CADPS2: variants seen among roughly 807,000 people sequenced by gnomAD.
The protein encoded by CADPS2 is calcium dependent secretion activator 2.
CADPS2 carries 93 observed loss-of-function variants against 172.5 expected under a neutral mutation model. That is an observed-to-expected ratio of 0.54 (90% CI 0.46 to 0.64). CADPS2 has a LOEUF of 0.64. Among genes scored for constraint, CADPS2 ranks in the 30% least tolerant of loss-of-function variants. CADPS2 has a pLI of 0.00. For missense variants in CADPS2, 1,420 were observed against 1,565.9 expected, an observed-to-expected ratio of 0.91 and a Z score of 1.57; for synonymous variants, 546 against 555.2, an observed-to-expected ratio of 0.98 and a Z score of 0.23.
intron 9 of CADPS2, among the ~76,000 whole-genome samples, chr7:122,501,285 T>C (rs1434501941): frequency 6.6e-6 from 1 of 151,992 alleles, no homozygotes; most frequent in Non-Finnish European, 1.5e-5. Flanking sequence ...TTATTACATA[T>C]GATAGAATTA....
chr7:122,397,831 G>C (rs988379096), intron 20 of CADPS2, among the ~76,000 whole-genome samples: 6 of 152,130 alleles, frequency 3.9e-5, no homozygotes, highest in Non-Finnish European at 5.9e-5. Context: ...CCACATCCAA[G>C]AACACTTCTG....
intron 17 of CADPS2, chr7:122,427,458 TG>T (rs909404183): frequency 4.6e-5 from 7 of 152,194 alleles, no homozygotes; most frequent in African/African-American, 1.7e-4. Flanking sequence ...AAATTTATAG[TG>T]GTATTTTCTT....
At chr7:122,443,969 G>A (rs937319355) in intron 15 of CADPS2, among the ~76,000 whole-genome samples, 1 of 151,994 alleles carries the variant, frequency 6.6e-6, no homozygotes, top group Non-Finnish European at 1.5e-5. Flanking sequence ...GTTAACTCAT[G>A]GCCTGCAAGT....
At chr7:122,354,795 T>C (rs1265382746) in intron 27 of CADPS2, among the ~76,000 whole-genome samples, 1 of 152,196 alleles carries the variant, frequency 6.6e-6, no homozygotes, top group African/African-American at 2.4e-5. Flanking sequence ...CTGTTGTCTT[T>C]GCCACCATGA....
chr7:122,354,044 G>A (rs977022097), intron 27 of CADPS2, among the ~76,000 whole-genome samples: 1 of 151,276 alleles, frequency 6.6e-6, no homozygotes, highest in East Asian at 1.9e-4. Context: ...CCATTAACTA[G>A]CCTGGCTGCT....
intron 1 of CADPS2, among the ~76,000 whole-genome samples, chr7:122,815,244 A>C (rs1158291150): frequency 6.6e-6 from 1 of 152,208 alleles, no homozygotes; most frequent in African/African-American, 2.4e-5. Context: ...CTGTTAAGTC[A>C]GTCTGCAAAG....
intron 9 of CADPS2, among the ~76,000 whole-genome samples, chr7:122,503,300 C>T (rs940797849): frequency 6.6e-6 from 1 of 152,124 alleles, no homozygotes; most frequent in African/African-American, 2.4e-5. Context: ...TCCCAAAATG[C>T]TGGGATTACA....
chr7:122,393,706 A>G, intron 20 of CADPS2, 124 bp from the exon 21 acceptor site: 1 of 926,372 alleles, frequency 1.1e-6, no homozygotes, highest in Non-Finnish European at 1.7e-6. Flanking sequence ...AATGCAGATG[A>G]GAGTAGATCA....
At chr7:122,450,693 G>C (rs1018033433) in intron 15 of CADPS2, among the ~76,000 whole-genome samples, 1 of 151,706 alleles carries the variant, frequency 6.6e-6, no homozygotes, top group Non-Finnish European at 1.5e-5. Flanking sequence ...ACCATGTCTG[G>C]CTGGTTAAGT....
chr7:122,358,112 T>C (rs925864870), intron 27 of CADPS2, among the ~76,000 whole-genome samples: 1 of 152,318 alleles, frequency 6.6e-6, no homozygotes, highest in Middle Eastern at 3.4e-3. Flanking sequence ...TTCCTGTTGC[T>C]CTCTTATCCT....
intron 2 of CADPS2, chr7:122,702,883 G>T (rs1421193943): frequency 1.6e-6 from 1 of 639,090 alleles, no homozygotes; most frequent in Non-Finnish European, 2.7e-6. Context: ...CTGGATCAAA[G>T]CTATCTTGCT....
At chr7:122,775,159 G>A (rs1235184320) in intron 1 of CADPS2, among the ~76,000 whole-genome samples, 3 of 152,058 alleles carry the variant, frequency 2.0e-5, no homozygotes, top group South Asian at 2.1e-4. Context: ...ATCCAATGGC[G>A]ATATTAAAAA....
intron 1 of CADPS2, among the ~76,000 whole-genome samples, chr7:122,765,329 T>C (rs1047259934): frequency 2.0e-5 from 3 of 152,186 alleles, no homozygotes; most frequent in South Asian, 2.1e-4. Context: ...TGCTGACCTG[T>C]ATTTTTAAAA....
At position 122,432,551 on chromosome 7, in the gene CADPS2, G is replaced by C. The variant is rs138019603; in HGVS notation, c.2476+5790C>G. On this transcript the variant is annotated intron_variant, in intron 17 of 29. Coordinates refer to ENST00000449022, the MANE Select transcript of CADPS2 (RefSeq NM_017954.11). ...AGCTACTTGTAAAGCTGAGGCAGGA[G>C]AACCACTTGAACTCGGGAGGCGGAG... Among the ~76,000 whole-genome samples, 1,184 of 149,800 alleles carry C rather than the reference G, an allele frequency of 7.9e-3. 13 individuals are homozygous for C. The highest frequency in any genetic ancestry group is 0.028 in the African/African-American group (1,133 of 40,690).
intron 1 of CADPS2, among the ~76,000 whole-genome samples, chr7:122,758,344 T>G (rs1190208266): frequency 3.3e-5 from 5 of 152,132 alleles, no homozygotes; most frequent in Admixed American, 2.0e-4. Context: ...CTTTTAGAAG[T>G]TGAAGTAGAA....
intron 19 of CADPS2, among the ~76,000 whole-genome samples, chr7:122,408,408 T>G (rs2151673945): frequency 6.6e-6 from 1 of 152,232 alleles, no homozygotes; most frequent in South Asian, 2.1e-4. Flanking sequence ...CCATTCTCCA[T>G]TCAGCAGCCA....
At chr7:122,656,131 T>A (rs1271951850) in intron 3 of CADPS2, among the ~76,000 whole-genome samples, 1 of 152,138 alleles carries the variant, frequency 6.6e-6, no homozygotes, top group South Asian at 2.1e-4. Context: ...AAAATTACTA[T>A]AAGCTGGGTG....
At chr7:122,517,397 A>G (rs1423208185) in intron 8 of CADPS2, among the ~76,000 whole-genome samples, 1 of 152,088 alleles carries the variant, frequency 6.6e-6, no homozygotes, top group Non-Finnish European at 1.5e-5. Context: ...GCATGTCTTC[A>G]TTTCTCCTGG....
chr7:122,459,485 C>A (rs2054192163), intron 14 of CADPS2, among the ~76,000 whole-genome samples: 1 of 152,086 alleles, frequency 6.6e-6, no homozygotes, highest in African/African-American at 2.4e-5. Flanking sequence ...CTCTGGCCTG[C>A]AGTGCATGAA....
Sources: gnomAD v4.1 joint callset for allele counts (sites outside exome capture counted in the v4.1 genomes callset) on GRCh38, gnomAD v4.1.1 for gene constraint, MANE v1.5 for transcripts, NCBI Gene and HGNC (gene_info 2026-07-23, HGNC 2026-07-21) for gene names.